Variants in SLC28A3 observed in about 807,000 individuals in gnomAD.
SLC28A3 encodes solute carrier family 28 member 3.
Under a neutral mutation model 84.2 loss-of-function variants are expected in SLC28A3, and 68 were observed. That is an observed-to-expected ratio of 0.81 (90% CI 0.66 to 0.99). The LOEUF (loss-of-function observed/expected upper bound fraction) is 0.99, where lower values mean the gene tolerates loss of function less well. SLC28A3 is among the 50% of genes least tolerant of loss of function. The pLI, the probability that SLC28A3 is intolerant of heterozygous loss-of-function variation, is 0.00. For missense variants in SLC28A3, 712 were observed against 841.5 expected, an observed-to-expected ratio of 0.85 and a Z score of 1.90; for synonymous variants, 267 against 303.6, an observed-to-expected ratio of 0.88 and a Z score of 1.25.
chr9:84,314,078 T>A (rs1210023164), intron 1 of SLC28A3, among the ~76,000 whole-genome samples: 2 of 152,246 alleles, frequency 1.3e-5, no homozygotes, highest in Admixed American at 1.3e-4. Flanking sequence ...TTTCAACTTA[T>A]AAAATGAACT....
At chr9:84,281,759 T>C (rs1203986502) in intron 14 of SLC28A3, among the ~76,000 whole-genome samples, 1 of 152,188 alleles carries the variant, frequency 6.6e-6, no homozygotes, top group South Asian at 2.1e-4. Context: ...TGGATACCCA[T>C]AAAAATGAAA....
chr9:84,307,411 A>G (rs11140506), intron 3 of SLC28A3, among the ~76,000 whole-genome samples: 49,550 of 145,854 alleles, frequency 0.34, 9,906 homozygotes, highest in African/African-American at 0.56. Flanking sequence ...AGCCTGGGAG[A>G]CAGAGCGAGA....
the SLC28A3 span, among the ~76,000 whole-genome samples, chr9:84,360,175 G>A: frequency 0.018 from 2,792 of 152,162 alleles, 28 homozygotes; most frequent in South Asian, 0.038. Flanking sequence ...TGTGTTCTAG[G>A]AACCATGGGA....
chr9:84,292,507 C>T (rs905354452), intron 10 of SLC28A3, 161 bp downstream of exon 10: 19 of 554,300 alleles, frequency 3.4e-5, no homozygotes, highest in Admixed American at 1.1e-4. Context: ...GTCTCTCTCT[C>T]TTCTCCCCCT....
At chr9:84,285,062 C>A (rs920594567) in intron 14 of SLC28A3, among the ~76,000 whole-genome samples, 6 of 152,176 alleles carry the variant, frequency 3.9e-5, no homozygotes, top group African/African-American at 1.4e-4. Context: ...GCAGTCCCAG[C>A]TCATGTGACT....
chr9:84,319,301 T>G (rs1384048774), intron 1 of SLC28A3, among the ~76,000 whole-genome samples: 1 of 152,204 alleles, frequency 6.6e-6, no homozygotes, highest in Non-Finnish European at 1.5e-5. Context: ...AGTTAAATTG[T>G]TCCAAATGCA....
At chr9:84,281,821 A>C (rs576167836) in intron 14 of SLC28A3, among the ~76,000 whole-genome samples, 21 of 152,370 alleles carry the variant, frequency 1.4e-4, no homozygotes, top group Admixed American at 5.2e-4. Context: ...ATGCTAAGTG[A>C]GCACATGTAT....
chr9:84,342,111 G>A (rs150337367), upstream of SLC28A3, among the ~76,000 whole-genome samples: 279 of 128,504 alleles, frequency 2.2e-3, 4 homozygotes, highest in African/African-American at 8.5e-3. Flanking sequence ...CTGGATGACA[G>A]AGTGAGACCC....
chr9:84,321,733 CA>C (rs10707383), intron 1 of SLC28A3, among the ~76,000 whole-genome samples: 21,300 of 65,060 alleles, frequency 0.33, 1,311 homozygotes, highest in African/African-American at 0.39. Flanking sequence ...GACTCCGTCT[CA>C]AAAAAAAAAA....
At chr9:84,280,776 G>A (rs1371767422) in intron 15 of SLC28A3, 25 bp downstream of exon 15, 2 of 1,610,456 alleles carry the variant, frequency 1.2e-6, no homozygotes, top group Non-Finnish European at 1.7e-6. Flanking sequence ...CATCTGTGTT[G>A]TTGAAGAATG....
At chr9:84,304,879 G>A (rs142656695) in intron 4 of SLC28A3, among the ~76,000 whole-genome samples, 1,568 of 152,200 alleles carry the variant, frequency 0.01, 22 homozygotes, top group African/African-American at 0.036. Flanking sequence ...AAAATTAGCC[G>A]GGTGTGGTGA....
the SLC28A3 span, among the ~76,000 whole-genome samples, chr9:84,366,349 T>A: frequency 1.3e-5 from 2 of 152,174 alleles, no homozygotes; most frequent in African/African-American, 2.4e-5. Flanking sequence ...TTTTTCTGTC[T>A]GAAAGGCCAA....
chr9:84,317,562 G>A (rs1451530671), intron 1 of SLC28A3, among the ~76,000 whole-genome samples: 1 of 152,124 alleles, frequency 6.6e-6, no homozygotes, highest in Non-Finnish European at 1.5e-5. Flanking sequence ...ACACAGCCTG[G>A]CTTCCATTTC....
chr9:84,297,241 C>A lies in SLC28A3; in HGVS notation c.841G>T (p.Asp281Tyr). 1 of 1,613,540 alleles carries A rather than the reference C, an allele frequency of 6.2e-7. No individual in the cohort carries two copies. Among genetic ancestry groups the A allele is most frequent in the Non-Finnish European group, 8.5e-7 (1 of 1,179,866 alleles). The stretch of plus-strand genomic sequence containing the variant: ...TTTACCTTAAATGCAAAGAAGTGGT[C>A]TTTGTATTTCTCACCAAAGACAAAT... ...ASFVFGEKYK[D>Y]HFFAFKVLPI... The change falls in exon 8 of 18, where the codon GAC (aspartate) becomes TAC (tyrosine). Residue 281 changes from aspartate to tyrosine, a missense_variant. By Grantham distance (160) the Asp-to-Tyr change is radical (BLOSUM62 -3). Transcript: ENST00000376238.
chr9:84,290,026 A>G (rs1358676551), intron 11 of SLC28A3, 128 bp downstream of exon 11: 5 of 1,280,060 alleles, frequency 3.9e-6, no homozygotes, highest in African/African-American at 3.0e-5. Context: ...ACTGTGACCA[A>G]CTTTTGCCAT....
At chr9:84,295,816 C>CT (rs1825393887) in intron 8 of SLC28A3, among the ~76,000 whole-genome samples, 1 of 151,996 alleles carries the variant, frequency 6.6e-6, no homozygotes. Context: ...AAAGCTGCTA[C>CT]CAGAGGCACA....
At chr9:84,366,111 G>C in the SLC28A3 span, among the ~76,000 whole-genome samples, 1 of 151,972 alleles carries the variant, frequency 6.6e-6, no homozygotes, top group East Asian at 1.9e-4. Context: ...TAAACTGACT[G>C]TATTTTCAAA....
chr9:84,302,065 A>T lies in SLC28A3; in HGVS notation c.524+135T>A. ...CTGTTTGTAAAATGAAGACATTGTAACAGATTACTTCCTAGGGTGTTTCTA... is the reference window on the plus strand; with the variant it reads ...CTGTTTGTAAAATGAAGACATTGTATCAGATTACTTCCTAGGGTGTTTCTA... On this transcript the variant is annotated intron_variant, in intron 5 of 17. Transcript: ENST00000376238. The T allele has an allele frequency of 6.6e-6, 5 of 755,122 alleles. No homozygotes were observed. In the South Asian group the frequency reaches 9.5e-5, roughly 14 times the overall value. 46.8% of individuals were successfully genotyped at this position (755,122 alleles called of 1,614,324 possible). A position where few individuals can be genotyped will look rare whatever the true frequency, so the allele number is the denominator to read the frequency against.
In SLC28A3 at chr9:84,314,648, C is replaced by T. The variant is rs1386113399; in HGVS notation, c.61-1194G>A. On this transcript the variant is annotated intron_variant, in intron 1 of 17. Transcript: ENST00000376238. ...TGCATCAAAGTATTGTGCCATACTT[C>T]CTTTTTTGTTACAGTTGCTTATATC... 2.0e-5 allele frequency among the ~76,000 whole-genome samples: 3 copies of T among 152,326 alleles called. No homozygotes were observed. The East Asian group carries it at 5.8e-4, about 29-fold the overall frequency.
Sources: allele counts gnomAD v4.1 joint callset (sites outside exome capture counted in the v4.1 genomes callset), GRCh38; gene constraint gnomAD v4.1.1; transcripts MANE v1.5; gene names NCBI Gene and HGNC (gene_info 2026-07-23, HGNC 2026-07-21).